The following ELP4 variants were observed in gnomAD, a reference collection of about 807,000 sequenced individuals.
ELP4 encodes the protein elongator complex protein 4.
A neutral mutation model predicts 48.9 loss-of-function variants in ELP4; 51 were observed. That is an observed-to-expected ratio of 1.04 (90% CI 0.83 to 1.32). The LOEUF is 1.32. ELP4 is among the 40% of genes most tolerant of loss of function. The probability of loss-of-function intolerance (pLI) is 0.00; values close to 1 mark genes in which losing one functional copy is unlikely to be tolerated. For missense variants in ELP4, 519 were observed against 514.6 expected (o/e 1.01, Z -0.08); for synonymous variants, 210 against 189.2 (o/e 1.11, Z -0.90).
intron 9 of ELP4, among the ~76,000 whole-genome samples, chr11:31,687,086 T>TC (rs1946177154): frequency 1.3e-5 from 2 of 152,252 alleles, no homozygotes; most frequent in East Asian, 3.9e-4. Context: ...CTAAACTTGC[T>TC]CCCAAATATC....
chr11:31,618,776 G>A (rs896887465), intron 5 of ELP4, among the ~76,000 whole-genome samples: 3 of 152,018 alleles, frequency 2.0e-5, no homozygotes, highest in African/African-American at 7.2e-5. Context: ...CTTTTTGAAG[G>A]AATGAAAATA....
At chr11:31,707,516 C>A (rs1946659092) in intron 9 of ELP4, 1 of 151,784 alleles carries the variant, frequency 6.6e-6, no homozygotes. Flanking sequence ...AATATAATTC[C>A]ATGGCAAGAA....
chr11:31,679,350 A>G (rs1162186122), intron 9 of ELP4, among the ~76,000 whole-genome samples: 2 of 152,198 alleles, frequency 1.3e-5, no homozygotes, highest in East Asian at 3.8e-4. Context: ...TGCTAGTGCA[A>G]CCACAATAAA....
chr11:31,688,817 T>C (rs1276057820), intron 9 of ELP4, among the ~76,000 whole-genome samples: 1 of 152,178 alleles, frequency 6.6e-6, no homozygotes, highest in Non-Finnish European at 1.5e-5. Flanking sequence ...TACATACATA[T>C]TAGATTAATT....
At chr11:31,626,923 A>T (rs1404986475) in intron 5 of ELP4, among the ~76,000 whole-genome samples, 187 bp from the exon 6 acceptor site, 1 of 151,852 alleles carries the variant, frequency 6.6e-6, no homozygotes, top group Non-Finnish European at 1.5e-5. Context: ...AGTTATAATA[A>T]GGCATTGTAA....
chr11:31,712,157 C>T (rs1946754289), intron 9 of ELP4, among the ~76,000 whole-genome samples: 1 of 151,816 alleles, frequency 6.6e-6, no homozygotes, highest in Non-Finnish European at 1.5e-5. Flanking sequence ...TGCATTATTT[C>T]CTTTAATTTC....
chr11:31,760,389 G>A (rs1026595685), intron 9 of ELP4, among the ~76,000 whole-genome samples: 4 of 152,172 alleles, frequency 2.6e-5, no homozygotes, highest in Non-Finnish European at 5.9e-5. Context: ...TCTAGTCCTT[G>A]AAAGAAATTA....
intron 9 of ELP4, among the ~76,000 whole-genome samples, chr11:31,673,737 T>C (rs985368757): frequency 6.6e-6 from 1 of 152,242 alleles, no homozygotes; most frequent in Non-Finnish European, 1.5e-5. Context: ...GTTAAAACTT[T>C]ATATGCTATA....
At chr11:31,579,416 C>T (rs1327307224) in intron 3 of ELP4, among the ~76,000 whole-genome samples, 1 of 152,052 alleles carries the variant, frequency 6.6e-6, no homozygotes, top group Admixed American at 6.6e-5. Flanking sequence ...ACCATTAGAC[C>T]CAGCCATCCC....
chr11:31,753,087 G>C (rs998689855), intron 9 of ELP4, among the ~76,000 whole-genome samples: 5 of 152,108 alleles, frequency 3.3e-5, no homozygotes, highest in African/African-American at 1.2e-4. Flanking sequence ...GCTATTACTA[G>C]CACCATTGAA....
chr11:31,771,814 C>T (rs1948149530), intron 9 of ELP4, among the ~76,000 whole-genome samples: 1 of 152,144 alleles, frequency 6.6e-6, no homozygotes, highest in Non-Finnish European at 1.5e-5. Flanking sequence ...CCTGTATCTA[C>T]TAAAGATACA....
At chr11:31,596,327 C>G (rs553084587) in intron 4 of ELP4, among the ~76,000 whole-genome samples, 3 of 152,290 alleles carry the variant, frequency 2.0e-5, no homozygotes, top group African/African-American at 7.2e-5. Context: ...TTGCTTGAAC[C>G]TGGGAGGTGG....
chr11:31,732,233 A>G (rs1947206458), intron 9 of ELP4, among the ~76,000 whole-genome samples: 1 of 152,232 alleles, frequency 6.6e-6, no homozygotes, highest in African/African-American at 2.4e-5. Flanking sequence ...ATCTATAACT[A>G]TAAAAATATG....
At chr11:31,708,775 T>C (rs767260963) in intron 9 of ELP4, among the ~76,000 whole-genome samples, 3 of 152,172 alleles carry the variant, frequency 2.0e-5, no homozygotes, top group Non-Finnish European at 4.4e-5. Context: ...TGCTGAAGTA[T>C]ATTCTGAATC....
intron 3 of ELP4, among the ~76,000 whole-genome samples, chr11:31,553,646 T>A (rs1367109948): frequency 6.6e-6 from 1 of 151,776 alleles, no homozygotes; most frequent in Non-Finnish European, 1.5e-5. Flanking sequence ...CCTGCCAACT[T>A]ATCCTGCAGG....
At chr11:31,636,026 C>T (rs1300090995) in intron 7 of ELP4, among the ~76,000 whole-genome samples, 1 of 151,960 alleles carries the variant, frequency 6.6e-6, no homozygotes, top group Non-Finnish European at 1.5e-5. Context: ...ACCAGTGCCA[C>T]CTCTGGAGAT....
In ELP4 at chr11:31,789,912, CTTTTTTTTTTTTTT is replaced by C; in HGVS notation, c.*6398_*6411del. On this transcript the variant is annotated 3_prime_UTR_variant, in exon 10 of 10. Coordinates refer to ENST00000640961, the MANE Select transcript of ELP4 (RefSeq NM_019040.5). Reference sequence around the variant, plus strand: ...CTGAATTAACACAATATTTCCTTTCCTTTTTTTTTTTTTTTTTTTTTTTACTGTAATCTTGGCCA... The same window carrying C: ...CTGAATTAACACAATATTTCCTTTCCTTTTTTTTTACTGTAATCTTGGCCA... 1 of 1,046,000 alleles carries C rather than the reference CTTTTTTTTTTTTTT, an allele frequency of 9.6e-7. No homozygotes were observed. The highest frequency in any genetic ancestry group is 1.4e-6 in the Non-Finnish European group (1 of 725,928). 64.8% of individuals were successfully genotyped at this position (1,046,000 alleles called of 1,614,324 possible).
chr11:31,780,314 C>A (rs370264355), intron 9 of ELP4, among the ~76,000 whole-genome samples: 27 of 152,196 alleles, frequency 1.8e-4, no homozygotes, highest in African/African-American at 6.3e-4. Flanking sequence ...CTCGTTCTTC[C>A]TCGCTGTTTC....
At chr11:31,659,816 A>T (rs1945515524) in intron 9 of ELP4, among the ~76,000 whole-genome samples, 1 of 151,916 alleles carries the variant, frequency 6.6e-6, no homozygotes, top group East Asian at 1.9e-4. Context: ...AAATAGTGAA[A>T]CCCCATCTCT....
Sources: gnomAD v4.1 joint callset for allele counts (sites outside exome capture counted in the v4.1 genomes callset) on GRCh38, gnomAD v4.1.1 for gene constraint, MANE v1.5 for transcripts, NCBI Gene and HGNC (gene_info 2026-07-23, HGNC 2026-07-21) for gene names.